STARD13: variants seen among roughly 807,000 people sequenced by gnomAD.
The protein encoded by STARD13 is stAR-related lipid transfer protein 13.
STARD13 carries 62 observed loss-of-function variants against 106.4 expected under a neutral mutation model. That is an observed-to-expected ratio of 0.58 (90% CI 0.48 to 0.72). STARD13 has a LOEUF of 0.72. STARD13 is among the 30% of genes least tolerant of loss of function. STARD13 has a pLI of 0.00. For synonymous variants in STARD13, 565 were observed against 553.0 expected (o/e 1.02, Z -0.31); for missense variants, 1,387 against 1,424.0 (o/e 0.97, Z 0.42).
the STARD13 span, among the ~76,000 whole-genome samples, chr13:33,648,327 C>A: frequency 1.3e-5 from 2 of 152,242 alleles, no homozygotes; most frequent in Non-Finnish European, 2.9e-5. Context: ...GAATCCATGT[C>A]TCTCACACTC....
At chr13:33,627,408 G>A in the STARD13 span, among the ~76,000 whole-genome samples, 1 of 152,090 alleles carries the variant, frequency 6.6e-6, no homozygotes, top group Non-Finnish European at 1.5e-5. Flanking sequence ...GGAGGCTGAG[G>A]TGGGTGGATC....
the STARD13 span, among the ~76,000 whole-genome samples, chr13:33,387,561 T>C: frequency 6.6e-6 from 1 of 152,124 alleles, no homozygotes; most frequent in Non-Finnish European, 1.5e-5. Flanking sequence ...CCCTATTCAC[T>C]CCAATAGGGA....
chr13:33,509,725 C>T, the STARD13 span, among the ~76,000 whole-genome samples: 1 of 152,310 alleles, frequency 6.6e-6, no homozygotes, highest in African/African-American at 2.4e-5. Flanking sequence ...CAACAGCCAA[C>T]AGATCTGTCA....
exon 2 of STARD13, chr13:33,349,200 C>T (rs1194586630): frequency 1.4e-6 from 1 of 702,334 alleles, no homozygotes; most frequent in East Asian, 2.7e-5. Flanking sequence ...GGTCACTGCC[C>T]AGCTCAAGAG....
chr13:33,156,252 C>CT (rs1160227967), intron 3 of STARD13, among the ~76,000 whole-genome samples: 1 of 152,144 alleles, frequency 6.6e-6, no homozygotes, highest in Non-Finnish European at 1.5e-5. Flanking sequence ...TTCATTATAC[C>CT]TATTCATCTA....
chr13:33,193,899 T>G (rs190153351), intron 1 of STARD13, among the ~76,000 whole-genome samples: 1 of 152,308 alleles, frequency 6.6e-6, no homozygotes, highest in East Asian at 1.9e-4. Context: ...ATTATCAAGG[T>G]AGTCAGGATT....
the STARD13 span, chr13:33,439,865 T>C: frequency 2.7e-6 from 1 of 376,258 alleles, no homozygotes; most frequent in East Asian, 7.5e-5. Flanking sequence ...AACTGAGGCA[T>C]GAAGATTGAA....
At chr13:33,628,984 T>A in the STARD13 span, among the ~76,000 whole-genome samples, 1 of 152,222 alleles carries the variant, frequency 6.6e-6, no homozygotes, top group Non-Finnish European at 1.5e-5. Context: ...GTGATTACGA[T>A]TACTGTGGGA....
intron 1 of STARD13, among the ~76,000 whole-genome samples, chr13:33,241,879 T>C (rs1350535451): frequency 6.6e-6 from 1 of 152,150 alleles, no homozygotes; most frequent in Non-Finnish European, 1.5e-5. Context: ...TGGCCTGATC[T>C]AGGCTCACTA....
the STARD13 span, among the ~76,000 whole-genome samples, chr13:33,493,973 TCAGA>T: frequency 6.6e-6 from 1 of 152,170 alleles, no homozygotes; most frequent in South Asian, 2.1e-4. Context: ...GGGTTTCTCA[TCAGA>T]CAGAGTAGTA....
the STARD13 span, among the ~76,000 whole-genome samples, chr13:33,438,366 C>T: frequency 3.3e-5 from 5 of 152,234 alleles, no homozygotes; most frequent in South Asian, 4.1e-4. Context: ...ACAAGAGAGA[C>T]GAAGCACAGA....
intron 4 of STARD13, among the ~76,000 whole-genome samples, chr13:33,135,236 C>T (rs1375092304): frequency 6.6e-6 from 1 of 152,182 alleles, no homozygotes; most frequent in African/African-American, 2.4e-5. Context: ...GCTGCCAGTC[C>T]CCAAACTTGC....
the STARD13 span, among the ~76,000 whole-genome samples, chr13:33,473,704 C>T: frequency 1.4e-4 from 22 of 152,284 alleles, no homozygotes; most frequent in South Asian, 3.1e-3. Context: ...AGCTGTCCAC[C>T]CATTTTTAGC....
At chr13:33,544,530 T>A in the STARD13 span, among the ~76,000 whole-genome samples, 1 of 152,178 alleles carries the variant, frequency 6.6e-6, no homozygotes. Context: ...TAGAAAGCAG[T>A]CGGTTTTCTG....
At chr13:33,360,830 C>T in the STARD13 span, among the ~76,000 whole-genome samples, 1 of 135,406 alleles carries the variant, frequency 7.4e-6, no homozygotes, top group Non-Finnish European at 1.6e-5. Context: ...GAGTCTTGCT[C>T]TGTCACCCAG....
At chr13:33,240,534 T>C (rs1272370143) in intron 1 of STARD13, among the ~76,000 whole-genome samples, 1 of 152,186 alleles carries the variant, frequency 6.6e-6, no homozygotes, top group East Asian at 1.9e-4. Flanking sequence ...TTCCTTCCAT[T>C]TACTTGTATC....
At chr13:33,490,964 A>G in the STARD13 span, among the ~76,000 whole-genome samples, 4 of 152,146 alleles carry the variant, frequency 2.6e-5, no homozygotes, top group Admixed American at 6.5e-5. Flanking sequence ...TCCTCTCACA[A>G]GGGGTCTGAG....
the STARD13 span, among the ~76,000 whole-genome samples, chr13:33,599,618 A>C: frequency 3.3e-5 from 5 of 152,152 alleles, no homozygotes; most frequent in Admixed American, 2.0e-4. Flanking sequence ...TTCCACAAGA[A>C]GGCCTTTTTA....
rs543220774 is a variant in STARD13, at chr13:33,341,591, C to CAA, written c.124+8697_124+8698dup. 2.0e-3 allele frequency among the ~76,000 whole-genome samples: 157 copies of CAA among 76,954 alleles called. 1 individual carries two copies. The highest frequency in any genetic ancestry group is 6.9e-3 in the African/African-American group (143 of 20,818). 50.5% of individuals were successfully genotyped at this position (76,954 alleles called of 152,430 possible). On this transcript the variant is annotated intron_variant, in intron 1 of 5. Transcript: ENST00000567873. ...GGGCGACAGAGCGAGACTCCGTCTCCAAAAAAAAAAAAAAAGAAGAAGAAA... is the reference window on the plus strand; with the variant it reads ...GGGCGACAGAGCGAGACTCCGTCTCCAAAAAAAAAAAAAAAAAGAAGAAGAAA...
Sources: gnomAD v4.1 joint callset for allele counts (sites outside exome capture counted in the v4.1 genomes callset) on GRCh38, gnomAD v4.1.1 for gene constraint, MANE v1.5 for transcripts, NCBI Gene and HGNC (gene_info 2026-07-23, HGNC 2026-07-21) for gene names.